The following FAM184B variants were observed in gnomAD, a reference collection of about 807,000 sequenced individuals.
FAM184B encodes the protein protein FAM184B.
In FAM184B, 111 loss-of-function variants were observed where a neutral mutation model predicts 135.9. The ratio of observed to expected loss-of-function variants is 0.82; its 90% CI spans 0.70 to 0.96. The LOEUF is 0.96. Ranked by LOEUF, FAM184B falls within the 40% of genes least tolerant of loss-of-function variation. FAM184B has a pLI of 0.00. For synonymous variants in FAM184B, 552 were observed against 524.8 expected, an observed-to-expected ratio of 1.05 and a Z score of -0.71; for missense variants, 1,375 against 1,323.9, an observed-to-expected ratio of 1.04 and a Z score of -0.60.
At chr4:17,708,794 G>A in intron 2 of FAM184B, 98 bp downstream of exon 2, 1 of 1,331,036 alleles carries the variant, frequency 7.5e-7, no homozygotes, top group Non-Finnish European at 9.9e-7. Context: ...CTCCGTAGAA[G>A]GCAAGTGCTT....
At chr4:17,754,063 A>G (rs1238557621) in intron 1 of FAM184B, among the ~76,000 whole-genome samples, 1 of 152,194 alleles carries the variant, frequency 6.6e-6, no homozygotes, top group Non-Finnish European at 1.5e-5. Flanking sequence ...GTGTTACTGG[A>G]ACTGGGGGTG....
chr4:17,645,454 C>T (rs2108932992), intron 12 of FAM184B, among the ~76,000 whole-genome samples: 1 of 152,220 alleles, frequency 6.6e-6, no homozygotes, highest in South Asian at 2.1e-4. Context: ...TTTGACAAAC[C>T]TGACAAAAAC....
At chr4:17,666,943 T>TTTTTTG (rs1431696667) in intron 7 of FAM184B, among the ~76,000 whole-genome samples, 2 of 147,032 alleles carry the variant, frequency 1.4e-5, no homozygotes, top group South Asian at 2.1e-4. Context: ...CCACTTTTTT[T>TTTTTTG]TTTGTTTTTT....
chr4:17,747,920 CAAAAA>C (rs71167333), intron 1 of FAM184B, among the ~76,000 whole-genome samples: 14 of 21,702 alleles, frequency 6.5e-4, no homozygotes, highest in African/African-American at 9.7e-4. Context: ...GACTCTGTCT[CAAAAA>C]AAAAAAAAAA....
chr4:17,669,057 T>G (rs1716115486), intron 7 of FAM184B, among the ~76,000 whole-genome samples: 1 of 152,240 alleles, frequency 6.6e-6, no homozygotes, highest in South Asian at 2.1e-4. Flanking sequence ...GAGAACACGC[T>G]GCACAGCTAT....
rs115056312 is a variant in FAM184B, at chr4:17,721,886, C to T, written c.142-12242G>A. 1.5e-3 allele frequency among the ~76,000 whole-genome samples: 236 copies of T among 152,314 alleles called. 1 individual carries two copies. The highest frequency in any genetic ancestry group is 5.6e-3 in the African/African-American group (231 of 41,562). On this transcript the variant is annotated intron_variant, in intron 1 of 17. Transcript: ENST00000265018. ...CTTTGGAGACTTGTGGTATGTGTTC[C>T]ACGCAGGAAGTTTCTCTCACAAGAT...
chr4:17,678,761 T>C (rs1480139961), intron 7 of FAM184B, among the ~76,000 whole-genome samples: 3 of 152,094 alleles, frequency 2.0e-5, no homozygotes, highest in Non-Finnish European at 2.9e-5. Context: ...AGGCATCACA[T>C]TACCTGACTT....
At position 17,751,859 on chromosome 4, in the gene FAM184B, A is replaced by ACACACACC. The variant is rs1458180776; in HGVS notation, c.141+29299_141+29300insGGTGTGTG. ...CACACACACACACACACACACACACACACACACAAAAGAACCAGGCACGCA... is the reference window on the plus strand; with the variant it reads ...CACACACACACACACACACACACACACACACACCCACACACAAAAGAACCAGGCACGCA... On this transcript the variant is annotated intron_variant, in intron 1 of 17. Coordinates refer to ENST00000265018, the MANE Select transcript of FAM184B (RefSeq NM_015688.2). 1.3e-5 allele frequency among the ~76,000 whole-genome samples: 2 copies of ACACACACC among 151,388 alleles called. 1 individual carries two copies. Among genetic ancestry groups the ACACACACC allele is most frequent in the Non-Finnish European group, 2.9e-5 (2 of 67,892 alleles).
At position 17,656,184 on chromosome 4, in the gene FAM184B, G is replaced by C. The variant is rs569237518; in HGVS notation, c.2037+2166C>G. Among the ~76,000 whole-genome samples, 6 of 152,236 alleles carry C rather than the reference G, an allele frequency of 3.9e-5. No individual in the cohort carries two copies. In the East Asian group the frequency reaches 1.2e-3, roughly 29 times the overall value. On this transcript the variant is annotated intron_variant, in intron 10 of 17. Coordinates refer to ENST00000265018, the MANE Select transcript of FAM184B (RefSeq NM_015688.2). Reference sequence around the variant, plus strand: ...GCCTCTCTGCCTCATGTGAGAAATTGGGGTCCACAGCATGAAGGAATAAAG... The same window carrying C: ...GCCTCTCTGCCTCATGTGAGAAATTCGGGTCCACAGCATGAAGGAATAAAG...
Position 17,632,447 on chromosome 4 carries a change from G to T in FAM184B, c.*85C>A. On this transcript the variant is annotated 3_prime_UTR_variant, in exon 18 of 18. Coordinates refer to ENST00000265018, the MANE Select transcript of FAM184B (RefSeq NM_015688.2). ...TAAATCATAAGCATATTATTTGGTT[G>T]GTTGGTGTTAGTTCATTCCTTCAAT... 2 of 1,117,646 alleles carry T rather than the reference G, an allele frequency of 1.8e-6. No individual in the cohort carries two copies. Among genetic ancestry groups the T allele is most frequent in the African/African-American group, 1.6e-5 (1 of 63,476 alleles). The allele number at this position is 1,117,646 out of a possible 1,614,324, so 69.2% of individuals were successfully genotyped here.
intron 7 of FAM184B, among the ~76,000 whole-genome samples, chr4:17,668,053 C>T (rs533843265): frequency 5.3e-5 from 8 of 152,266 alleles, no homozygotes; most frequent in South Asian, 2.1e-4. Flanking sequence ...TGTCTAGCTC[C>T]GTGATGAAGG....
At chr4:17,774,672 TACCTGTC>T (rs1353452577) in intron 1 of FAM184B, among the ~76,000 whole-genome samples, 1 of 152,218 alleles carries the variant, frequency 6.6e-6, no homozygotes, top group Non-Finnish European at 1.5e-5. Flanking sequence ...AAAATACTAA[TACCTGTC>T]ACCATTCTCT....
intron 1 of FAM184B, among the ~76,000 whole-genome samples, chr4:17,765,575 C>A (rs1380301047): frequency 6.6e-6 from 1 of 152,150 alleles, no homozygotes; most frequent in Non-Finnish European, 1.5e-5. Flanking sequence ...GTATAAAAAA[C>A]AGTAGAAGCT....
chr4:17,644,691 C>G (rs191723458), intron 12 of FAM184B, among the ~76,000 whole-genome samples: 2 of 152,226 alleles, frequency 1.3e-5, no homozygotes, highest in African/African-American at 4.8e-5. Flanking sequence ...ATAGGGATGC[C>G]CTCTCTCACC....
chr4:17,661,289 G>A (rs1715912672), intron 8 of FAM184B, among the ~76,000 whole-genome samples: 1 of 152,198 alleles, frequency 6.6e-6, no homozygotes, highest in Admixed American at 6.5e-5. Context: ...GGTGGCTCAT[G>A]CCTGTAATCC....
chr4:17,727,748 G>T (rs1025115481), intron 1 of FAM184B, among the ~76,000 whole-genome samples: 2 of 152,134 alleles, frequency 1.3e-5, no homozygotes, highest in Non-Finnish European at 2.9e-5. Flanking sequence ...TTCCCACCAA[G>T]TCCTTCCCTT....
chr4:17,660,123 C>A, intron 8 of FAM184B, 36 bp from the exon 9 acceptor site: 1 of 1,549,240 alleles, frequency 6.5e-7, no homozygotes, highest in Non-Finnish European at 8.7e-7. Flanking sequence ...ACAAAAGATC[C>A]TAGGGCTAGG....
At chr4:17,743,381 G>A (rs981721175) in intron 1 of FAM184B, among the ~76,000 whole-genome samples, 1 of 152,172 alleles carries the variant, frequency 6.6e-6, no homozygotes, top group African/African-American at 2.4e-5. Context: ...TTTGAACAGG[G>A]TGCCAAAGCT....
rs370584763 is a variant in FAM184B, at chr4:17,640,932, TTTTG to T, written c.2519+1120_2519+1123del. Among the ~76,000 whole-genome samples, 127 of 151,952 alleles carry T rather than the reference TTTTG, an allele frequency of 8.4e-4. 3 individuals are homozygous for T. In the South Asian group the frequency reaches 0.021, roughly 25 times the overall value. ...CAGCCCTGACAGGCCAGGTTTTTTG[TTTTG>T]TTTGTTTTGTTTTTTGAGACAGATT... On this transcript the variant is annotated intron_variant, in intron 13 of 17. Coordinates refer to ENST00000265018, the MANE Select transcript of FAM184B (RefSeq NM_015688.2).
Sources: allele counts gnomAD v4.1 joint callset (sites outside exome capture counted in the v4.1 genomes callset), GRCh38; gene constraint gnomAD v4.1.1; transcripts MANE v1.5; gene names NCBI Gene and HGNC (gene_info 2026-07-23, HGNC 2026-07-21).